SETD3: variants seen among roughly 807,000 people sequenced by gnomAD.
SETD3 encodes the protein SET domain containing 3, actin N3(tau)-histidine methyltransferase.
In SETD3, 19 loss-of-function variants were observed where a neutral mutation model predicts 63.0. The ratio of observed to expected loss-of-function variants is 0.30; its 90% CI spans 0.21 to 0.44. The LOEUF is 0.44. SETD3 is among the 20% of genes least tolerant of loss of function. SETD3 has a pLI of 1.00. For missense variants in SETD3, 587 were observed against 728.5 expected, an observed-to-expected ratio of 0.81 and a Z score of 2.24; for synonymous variants, 286 against 264.1, an observed-to-expected ratio of 1.08 and a Z score of -0.80.
intron 6 of SETD3, among the ~76,000 whole-genome samples, chr14:99,443,829 C>T (rs1893977040): frequency 6.6e-6 from 1 of 152,276 alleles, no homozygotes; most frequent in African/African-American, 2.4e-5. Flanking sequence ...TAAGGAATGG[C>T]TTTCTAACTA....
intron 6 of SETD3, among the ~76,000 whole-genome samples, chr14:99,428,150 T>C (rs1467823095): frequency 6.6e-6 from 1 of 152,126 alleles, no homozygotes; most frequent in African/African-American, 2.4e-5. Context: ...GAGTATTAGC[T>C]ATGTGGCCCC....
chr14:99,481,276 G>C (rs973897498), upstream of SETD3: 1 of 394,004 alleles, frequency 2.5e-6, no homozygotes, highest in African/African-American at 2.1e-5. Context: ...GGGGCGGGCG[G>C]GGAGGAGAGC....
At chr14:99,424,273 G>A (rs1309778561) in intron 6 of SETD3, among the ~76,000 whole-genome samples, 2 of 152,196 alleles carry the variant, frequency 1.3e-5, no homozygotes, top group Admixed American at 1.3e-4. Context: ...GAAACTTGGA[G>A]AGCTCTTACA....
intron 6 of SETD3, among the ~76,000 whole-genome samples, chr14:99,453,550 C>T (rs1247524633): frequency 6.6e-6 from 1 of 152,016 alleles, no homozygotes; most frequent in African/African-American, 2.4e-5. Flanking sequence ...ATTGGCCAGG[C>T]GCGGTGGCTT....
At chr14:99,465,496 T>C (rs1485212744) in intron 2 of SETD3, among the ~76,000 whole-genome samples, 2 of 152,148 alleles carry the variant, frequency 1.3e-5, no homozygotes, top group South Asian at 2.1e-4. Context: ...CAAGCCTTGT[T>C]AACAGCCACA....
intron 6 of SETD3, 37 bp from the exon 7 acceptor site, chr14:99,413,971 G>A: frequency 6.4e-7 from 1 of 1,561,234 alleles, no homozygotes; most frequent in Non-Finnish European, 8.8e-7. Flanking sequence ...GAGGTGAAAA[G>A]AGAAAAAGGG....
intron 1 of SETD3, among the ~76,000 whole-genome samples, chr14:99,472,998 T>A (rs759552198): frequency 5.9e-5 from 9 of 152,230 alleles, no homozygotes; most frequent in African/African-American, 2.2e-4. Flanking sequence ...TTCTTCACCA[T>A]CAAGATATTT....
At chr14:99,481,164 G>T (rs146782269), upstream of SETD3, 68 of 367,306 alleles carry the variant, frequency 1.9e-4, no homozygotes, top group Non-Finnish European at 3.0e-4. Flanking sequence ...TCCGTTAGCA[G>T]GTTCGGTTGC....
intron 4 of SETD3, among the ~76,000 whole-genome samples, chr14:99,460,897 T>C (rs369894785): frequency 1.5e-4 from 23 of 151,934 alleles, no homozygotes; most frequent in African/African-American, 4.9e-4. Flanking sequence ...TCCACCTCCT[T>C]ATCTTTAGGT....
intron 6 of SETD3, among the ~76,000 whole-genome samples, chr14:99,454,694 A>T (rs1450669703): frequency 6.6e-6 from 1 of 152,222 alleles, no homozygotes; most frequent in Non-Finnish European, 1.5e-5. Flanking sequence ...CCTGGGAGTC[A>T]GGCACTCCAT....
chr14:99,476,192 C>T (rs1274064759), intron 1 of SETD3, among the ~76,000 whole-genome samples: 1 of 152,194 alleles, frequency 6.6e-6, no homozygotes, highest in African/African-American at 2.4e-5. Flanking sequence ...AAATGATAGA[C>T]TCAGTTTGTG....
intron 2 of SETD3, among the ~76,000 whole-genome samples, chr14:99,464,602 G>C (rs1314889900): frequency 1.3e-5 from 2 of 152,182 alleles, no homozygotes; most frequent in Non-Finnish European, 2.9e-5. Context: ...CTCCAACTTG[G>C]CTGCGGCCTG....
intron 6 of SETD3, among the ~76,000 whole-genome samples, chr14:99,433,732 C>T (rs8017402): frequency 0.025 from 3,807 of 152,262 alleles, 160 homozygotes; most frequent in African/African-American, 0.087. Flanking sequence ...CTACCACATC[C>T]GGCCTTAAAA....
intron 6 of SETD3, among the ~76,000 whole-genome samples, chr14:99,450,446 A>C (rs1894394435): frequency 6.6e-6 from 1 of 152,244 alleles, no homozygotes; most frequent in Non-Finnish European, 1.5e-5. Flanking sequence ...ACCAAAAGTG[A>C]CATCTTCCTC....
intron 11 of SETD3, 61 bp from the exon 12 acceptor site, chr14:99,400,320 A>C (rs1313223362): frequency 2.1e-5 from 31 of 1,507,578 alleles, no homozygotes; most frequent in Non-Finnish European, 2.8e-5. Context: ...CATTTGAACA[A>C]GCAATCTACC....
upstream of SETD3, among the ~76,000 whole-genome samples, chr14:99,483,150 C>G (rs575161466): frequency 6.6e-6 from 1 of 152,148 alleles, no homozygotes; most frequent in South Asian, 2.1e-4. Context: ...CTACTAGGAA[C>G]CTATTAATAA....
intron 1 of SETD3, among the ~76,000 whole-genome samples, chr14:99,477,423 A>T (rs1896028476): frequency 6.6e-6 from 1 of 151,944 alleles, no homozygotes; most frequent in Non-Finnish European, 1.5e-5. Context: ...TGCAGATGCT[A>T]ATTTTTTTTT....
chr14:99,449,093 G>A (rs575197550), intron 6 of SETD3, among the ~76,000 whole-genome samples: 3 of 152,194 alleles, frequency 2.0e-5, no homozygotes, highest in African/African-American at 7.2e-5. Context: ...AGTCCATACC[G>A]ATATGAACAG....
intron 6 of SETD3, among the ~76,000 whole-genome samples, chr14:99,444,993 T>C (rs1894051827): frequency 6.6e-6 from 1 of 151,958 alleles, no homozygotes; most frequent in South Asian, 2.1e-4. Context: ...CCACCTGGAG[T>C]GGACTGCAAG....
Sources: gnomAD v4.1 joint callset for allele counts (sites outside exome capture counted in the v4.1 genomes callset) on GRCh38, gnomAD v4.1.1 for gene constraint, MANE v1.5 for transcripts, NCBI Gene and HGNC (gene_info 2026-07-23, HGNC 2026-07-21) for gene names.